Variants in DHRSX observed in about 807,000 individuals in gnomAD.
DHRSX encodes polyprenol dehydrogenase.
A neutral mutation model predicts 34.0 loss-of-function variants in DHRSX; 31 were observed. The ratio of observed to expected loss-of-function variants is 0.91; its 90% CI spans 0.69 to 1.23. The LOEUF is 1.23. Ranked by LOEUF, DHRSX falls within the 50% of genes most tolerant of loss-of-function variation. The pLI is 0.00. For synonymous variants in DHRSX, 201 were observed against 183.8 expected, an observed-to-expected ratio of 1.09 and a Z score of -0.76; for missense variants, 414 against 428.1, an observed-to-expected ratio of 0.97 and a Z score of 0.29.
chrX:2,411,699 C>G (rs2043631465), intron 2 of DHRSX, among the ~76,000 whole-genome samples: 1 of 151,930 alleles, frequency 6.6e-6, no homozygotes, highest in Non-Finnish European at 1.5e-5. Context: ...TGCACTCCAG[C>G]CTGGGCAACA....
At chrX:2,303,789 ATGGGTGGG>A (rs371825446) in intron 3 of DHRSX, among the ~76,000 whole-genome samples, 4 of 73,092 alleles carry the variant, frequency 5.5e-5, no homozygotes, top group African/African-American at 1.7e-4. Flanking sequence ...GGATGGATGG[ATGGGTGGG>A]TGGGTGGGTG....
intron 5 of DHRSX, among the ~76,000 whole-genome samples, chrX:2,249,194 T>C (rs2016374379): frequency 6.8e-6 from 1 of 146,042 alleles, no homozygotes; most frequent in South Asian, 2.2e-4. Flanking sequence ...CATAAATCTT[T>C]TTTTTTTTTT....
intron 5 of DHRSX, among the ~76,000 whole-genome samples, chrX:2,256,364 T>A (rs1300901336): frequency 6.6e-6 from 1 of 151,420 alleles, no homozygotes; most frequent in African/African-American, 2.4e-5. Context: ...AGCATGATCT[T>A]GGCCCACTGC....
intron 1 of DHRSX, among the ~76,000 whole-genome samples, chrX:2,478,737 T>G (rs1278047850): frequency 6.6e-6 from 1 of 151,210 alleles, no homozygotes. Flanking sequence ...ACTGAAGACG[T>G]TCCCCAAGCG....
intron 6 of DHRSX, among the ~76,000 whole-genome samples, chrX:2,242,470 G>A (rs2124425807): frequency 6.6e-6 from 1 of 152,252 alleles, no homozygotes; most frequent in South Asian, 2.1e-4. Flanking sequence ...TTGAATAGGG[G>A]CTGGGTAACA....
intron 2 of DHRSX, among the ~76,000 whole-genome samples, chrX:2,411,698 G>A (rs764766051): frequency 6.6e-6 from 1 of 151,860 alleles, no homozygotes; most frequent in Admixed American, 6.6e-5. Context: ...CTGCACTCCA[G>A]CCTGGGCAAC....
chrX:2,422,419 T>C (rs1327121541), intron 2 of DHRSX, among the ~76,000 whole-genome samples: 2 of 151,308 alleles, frequency 1.3e-5, no homozygotes, highest in Non-Finnish European at 3.0e-5. Flanking sequence ...TACGCCACCA[T>C]GCCGAGCTAC....
chrX:2,371,152 TC>T (rs1477712893), intron 3 of DHRSX, among the ~76,000 whole-genome samples: 2 of 151,038 alleles, frequency 1.3e-5, no homozygotes, highest in Admixed American at 6.6e-5. Flanking sequence ...TCCCCCCTCC[TC>T]CATTACCGTA....
At chrX:2,489,975 G>A (rs760041224) in intron 1 of DHRSX, 14 of 1,613,912 alleles carry the variant, frequency 8.7e-6, no homozygotes, top group Non-Finnish European at 1.2e-5. Context: ...TAGAGCACTC[G>A]CGTGATGGTC....
intron 1 of DHRSX, among the ~76,000 whole-genome samples, chrX:2,449,912 C>T (rs573918188): frequency 8.5e-5 from 13 of 152,208 alleles, no homozygotes; most frequent in African/African-American, 2.6e-4. Context: ...GGATTACGGG[C>T]GTGAGCCACC....
At chrX:2,443,922 C>A in intron 1 of DHRSX, among the ~76,000 whole-genome samples, 1 of 150,820 alleles carries the variant, frequency 6.6e-6, no homozygotes, top group South Asian at 2.1e-4. Context: ...AGGAGAATGG[C>A]GTGAACCCGG....
At chrX:2,252,231 C>CT (rs2016450562) in intron 5 of DHRSX, among the ~76,000 whole-genome samples, 1 of 149,816 alleles carries the variant, frequency 6.7e-6, no homozygotes, top group Admixed American at 6.8e-5. Flanking sequence ...GAGCAAAACT[C>CT]TGTCTCAAAA....
chrX:2,226,801 AAAAG>A (rs907437520), intron 6 of DHRSX, among the ~76,000 whole-genome samples: 23 of 152,140 alleles, frequency 1.5e-4, no homozygotes, highest in Admixed American at 5.2e-4. Context: ...TCTCAAAAAA[AAAAG>A]AAAGAAAAAA....
chrX:2,313,801 CG>C (rs1230677274), intron 3 of DHRSX, among the ~76,000 whole-genome samples: 3 of 152,074 alleles, frequency 2.0e-5, no homozygotes, highest in Non-Finnish European at 4.4e-5. Context: ...CCCAGGTGGT[CG>C]GGGTGCAGCT....
At chrX:2,360,752 G>A (rs1288222360) in intron 3 of DHRSX, among the ~76,000 whole-genome samples, 1 of 151,978 alleles carries the variant, frequency 6.6e-6, no homozygotes, top group Non-Finnish European at 1.5e-5. Flanking sequence ...GGTGGAGTTG[G>A]TACCGAGACA....
At chrX:2,492,994 C>A (rs2045194010) in intron 1 of DHRSX, among the ~76,000 whole-genome samples, 1 of 152,232 alleles carries the variant, frequency 6.6e-6, no homozygotes, top group African/African-American at 2.4e-5. Context: ...GTCAACGGTG[C>A]CCGCCCAGTG....
rs772709381 is a variant in DHRSX, at chrX:2,360,341, T to C, written c.286+48404A>G. On this transcript the variant is annotated intron_variant, in intron 3 of 6. Transcript: ENST00000334651. ...GGCTCACGCCTGTAATCCCAGCACT[T>C]TGGGAGGCCAAGGTGGGCGGATCAC... is the stretch of plus-strand genomic sequence containing the variant. 1.1e-4 allele frequency among the ~76,000 whole-genome samples: 17 copies of C among 152,264 alleles called. No homozygotes were observed. In the South Asian group the frequency reaches 3.1e-3, roughly 28 times the overall value.
At chrX:2,336,153 G>A (rs1217875093) in intron 3 of DHRSX, among the ~76,000 whole-genome samples, 6 of 151,726 alleles carry the variant, frequency 4.0e-5, no homozygotes, top group Non-Finnish European at 2.9e-5. Context: ...GACTACAGGC[G>A]CCCGCCACCA....
intron 3 of DHRSX, chrX:2,334,170 C>CTTTTTTTTTTTTTTTTTTTTTTTT (rs778057545): frequency 3.8e-5 from 4 of 105,112 alleles, no homozygotes; most frequent in African/African-American, 1.7e-4. Flanking sequence ...CAAAAGTATG[C>CTTTTTTTTTTTTTTTTTTTTTTTT]TTTTTTTTTT....
Sources: allele counts gnomAD v4.1 joint callset (sites outside exome capture counted in the v4.1 genomes callset), GRCh38; gene constraint gnomAD v4.1.1; transcripts MANE v1.5; gene names NCBI Gene and HGNC (gene_info 2026-07-23, HGNC 2026-07-21).